The following SETD3 variants were observed in gnomAD, a reference collection of about 807,000 sequenced individuals.
SETD3 encodes the protein actin-histidine N-methyltransferase.
SETD3 carries 19 observed loss-of-function variants against 63.0 expected under a neutral mutation model. That is an observed-to-expected ratio of 0.30 (90% CI 0.21 to 0.44). SETD3 has a LOEUF of 0.44. Ranked by LOEUF, SETD3 falls within the 20% of genes least tolerant of loss-of-function variation. The probability of loss-of-function intolerance (pLI) is 1.00; values close to 1 mark genes in which losing one functional copy is unlikely to be tolerated. For missense variants in SETD3, 587 were observed against 728.5 expected, an observed-to-expected ratio of 0.81 and a Z score of 2.24; for synonymous variants, 286 against 264.1, an observed-to-expected ratio of 1.08 and a Z score of -0.80.
In SETD3 at chr14:99,398,414, G is replaced by C; in HGVS notation, c.*265C>G. 1 of 435,876 alleles carries C rather than the reference G, an allele frequency of 2.3e-6. No homozygotes were observed. The highest frequency in any genetic ancestry group is 3.2e-5 in the South Asian group (1 of 31,442). 27.0% of individuals were successfully genotyped at this position (435,876 alleles called of 1,614,324 possible). On this transcript the variant is annotated 3_prime_UTR_variant, in exon 13 of 13. Transcript: ENST00000331768. ...AAATACCTATACCCACAATAGGTCT[G>C]CAAAATCTCCCACAGGCACCTCTTC...
rs542980501 is a variant in SETD3, at chr14:99,447,735, G to A, written c.675+10544C>T. 1.6e-3 allele frequency among the ~76,000 whole-genome samples: 237 copies of A among 152,198 alleles called. 1 individual carries two copies. Among genetic ancestry groups the A allele is most frequent in the African/African-American group, 5.4e-3 (223 of 41,534 alleles). On this transcript the variant is annotated intron_variant, in intron 6 of 12. Coordinates refer to ENST00000331768, the MANE Select transcript of SETD3 (RefSeq NM_032233.3). ...TTTGTTTCATTAAATAAGTTGAACC[G>A]GTAAGGATAACAATAAAAGAAAAAA...
intron 6 of SETD3, among the ~76,000 whole-genome samples, chr14:99,421,987 G>T (rs1028557005): frequency 3.9e-5 from 6 of 152,096 alleles, no homozygotes; most frequent in Non-Finnish European, 7.4e-5. Context: ...CACCATAGAG[G>T]TATTATAAAA....
At chr14:99,429,169 A>G (rs565076716) in intron 6 of SETD3, among the ~76,000 whole-genome samples, 2 of 152,224 alleles carry the variant, frequency 1.3e-5, no homozygotes, top group African/African-American at 2.4e-5. Context: ...CCTCTGCTCC[A>G]TGGGATCTCC....
chr14:99,443,957 G>A (rs934494065), intron 6 of SETD3, among the ~76,000 whole-genome samples: 2 of 152,174 alleles, frequency 1.3e-5, no homozygotes, highest in Non-Finnish European at 2.9e-5. Context: ...CATCAGTGCA[G>A]GACTCAGTCC....
chr14:99,407,513 G>T (rs1051143824), intron 8 of SETD3, among the ~76,000 whole-genome samples: 1 of 152,090 alleles, frequency 6.6e-6, no homozygotes, highest in South Asian at 2.1e-4. Context: ...GTTGCTAATT[G>T]TACGATGTCA....
At chr14:99,462,175 A>G (rs1436954101) in intron 3 of SETD3, among the ~76,000 whole-genome samples, 1 of 152,212 alleles carries the variant, frequency 6.6e-6, no homozygotes, top group Admixed American at 6.5e-5. Flanking sequence ...GTGAGAATAA[A>G]AGAAAGGACA....
intron 6 of SETD3, among the ~76,000 whole-genome samples, chr14:99,435,675 TTTCC>T (rs1348884686): frequency 2.0e-5 from 3 of 151,960 alleles, no homozygotes; most frequent in Non-Finnish European, 4.4e-5. Context: ...TAGAAATACC[TTTCC>T]TTCCATTTCA....
rs1310744183 is a variant in SETD3 at position 99,398,151 on chromosome 14, T to C, written c.*528A>G. 6.6e-6 allele frequency: 1 copy of C among 152,204 alleles called. No individual in the cohort carries two copies. The highest frequency in any genetic ancestry group is 2.4e-5 in the African/African-American group (1 of 41,156). The allele number at this position is 152,204 out of a possible 1,614,324, so 9.4% of individuals were successfully genotyped here. A position where few individuals can be genotyped will look rare whatever the true frequency, so the allele number is the denominator to read the frequency against. On this transcript the variant is annotated 3_prime_UTR_variant, in exon 13 of 13. Transcript: ENST00000331768. ...AAGGTTGCCACCTTACCTTTTCTTTTGGTAATGGGGTGTTATTTTTTTTAA... is the reference window on the plus strand; with the variant it reads ...AAGGTTGCCACCTTACCTTTTCTTTCGGTAATGGGGTGTTATTTTTTTTAA...
At position 99,461,336 on chromosome 14, in the gene SETD3, C is replaced by T. The variant is rs1166042682; in HGVS notation, c.201G>A (p.Leu67=). Residue 67 remains leucine, a synonymous_variant, in exon 4 of 13, where the codon CTG becomes CTA. Transcript: ENST00000331768. The stretch of plus-strand genomic sequence containing the variant: ...CTCTTTTTCCATCAAAAGTAACGGA[C>T]AGACCTATATTAATCCACGTTTTAG... The part of the protein sequence containing the change: ...VEKIRKKQKG[L]SVTFDGKRED... 1.2e-6 allele frequency: 2 copies of T among 1,613,692 alleles called. No individual in the cohort carries two copies. Among genetic ancestry groups the T allele is most frequent in the Non-Finnish European group, 1.7e-6 (2 of 1,179,956 alleles).
At chr14:99,407,256 C>T (rs939564135) in intron 8 of SETD3, among the ~76,000 whole-genome samples, 5 of 152,130 alleles carry the variant, frequency 3.3e-5, no homozygotes, top group Admixed American at 3.3e-4. Context: ...ATACCCCAAA[C>T]CTGCGTCTCC....
At chr14:99,464,235 C>A (rs532300041) in intron 2 of SETD3, among the ~76,000 whole-genome samples, 1 of 152,362 alleles carries the variant, frequency 6.6e-6, no homozygotes, top group African/African-American at 2.4e-5. Flanking sequence ...AGACTGCACA[C>A]TGGGCACCCC....
At chr14:99,425,561 G>A (rs1892835841) in intron 6 of SETD3, among the ~76,000 whole-genome samples, 1 of 152,224 alleles carries the variant, frequency 6.6e-6, no homozygotes, top group Admixed American at 6.5e-5. Flanking sequence ...GCTGTTATTA[G>A]TCTTTAGTTT....
At chr14:99,446,013 G>T (rs562194765) in intron 6 of SETD3, among the ~76,000 whole-genome samples, 2 of 152,240 alleles carry the variant, frequency 1.3e-5, no homozygotes, top group East Asian at 3.8e-4. Flanking sequence ...AGGAATCACA[G>T]AACGGGACAG....
At chr14:99,483,348 A>G (rs565352834), upstream of SETD3, among the ~76,000 whole-genome samples, 2 of 152,266 alleles carry the variant, frequency 1.3e-5, no homozygotes, top group South Asian at 4.1e-4. Context: ...CAGGAGTTCA[A>G]GACCATCCTG....
chr14:99,437,902 C>T (rs1342655965), intron 6 of SETD3, among the ~76,000 whole-genome samples: 1 of 152,196 alleles, frequency 6.6e-6, no homozygotes, highest in Non-Finnish European at 1.5e-5. Flanking sequence ...GCTAACTGTA[C>T]ATAAGCAGTC....
At chr14:99,410,066 G>T in intron 8 of SETD3, 1 of 715,950 alleles carries the variant, frequency 1.4e-6, no homozygotes, top group Non-Finnish European at 2.5e-6. Context: ...GACAGGGCAG[G>T]AGGGCGGATG....
At chr14:99,453,283 T>C (rs1760112690) in intron 6 of SETD3, among the ~76,000 whole-genome samples, 6 of 152,360 alleles carry the variant, frequency 3.9e-5, no homozygotes, top group African/African-American at 1.4e-4. Flanking sequence ...TACATTTGTG[T>C]TCACTCCAAT....
intron 8 of SETD3, among the ~76,000 whole-genome samples, chr14:99,410,537 A>G (rs1009182301): frequency 9.9e-5 from 15 of 152,206 alleles, no homozygotes; most frequent in African/African-American, 2.9e-4. Flanking sequence ...GTCACTTAGA[A>G]GTATCCTTGT....
upstream of SETD3, chr14:99,481,403 G>A (rs1042226602): frequency 2.3e-5 from 9 of 398,606 alleles, no homozygotes; most frequent in Non-Finnish European, 4.0e-5. Flanking sequence ...GATGACGTAG[G>A]TCCCCGACAT....
Sources: allele counts gnomAD v4.1 joint callset (sites outside exome capture counted in the v4.1 genomes callset), GRCh38; gene constraint gnomAD v4.1.1; transcripts MANE v1.5; gene names NCBI Gene and HGNC (gene_info 2026-07-23, HGNC 2026-07-21).